The following PDE3A variants were observed in gnomAD, a reference collection of about 807,000 sequenced individuals.
The protein encoded by PDE3A is cGMP-inhibited 3',5'-cyclic phosphodiesterase 3A.
PDE3A carries 43 observed loss-of-function variants against 98.3 expected under a neutral mutation model. The ratio of observed to expected loss-of-function variants is 0.44; its 90% CI spans 0.34 to 0.56. The LOEUF is 0.56. Among genes scored for constraint, PDE3A ranks in the 20% least tolerant of loss-of-function variants. The pLI, the probability that PDE3A is intolerant of heterozygous loss-of-function variation, is 0.01. For missense variants in PDE3A, 1,427 were observed against 1,440.7 expected, an observed-to-expected ratio of 0.99 and a Z score of 0.15; for synonymous variants, 663 against 567.9, an observed-to-expected ratio of 1.17 and a Z score of -2.38.
At chr12:20,388,177 A>G (rs902680503) in intron 1 of PDE3A, among the ~76,000 whole-genome samples, 10 of 151,994 alleles carry the variant, frequency 6.6e-5, no homozygotes, top group African/African-American at 2.4e-4. Context: ...GCTTTTAGGA[A>G]TGGTAATGTG....
At chr12:20,565,037 TA>T (rs1942620736) in intron 2 of PDE3A, among the ~76,000 whole-genome samples, 1 of 152,036 alleles carries the variant, frequency 6.6e-6, no homozygotes, top group African/African-American at 2.4e-5. Context: ...GAGAGAGAAA[TA>T]AAAACAAAAA....
chr12:20,472,686 T>G (rs983809129), intron 1 of PDE3A, among the ~76,000 whole-genome samples: 1 of 152,118 alleles, frequency 6.6e-6, no homozygotes. Context: ...TAAAGAACAG[T>G]TTAAATCATA....
chr12:20,437,504 C>T (rs1309559425), intron 1 of PDE3A, among the ~76,000 whole-genome samples: 1 of 152,116 alleles, frequency 6.6e-6, no homozygotes, highest in Non-Finnish European at 1.5e-5. Context: ...ATGGTGCTGG[C>T]CTCTGCTCAG....
chr12:20,663,723 G>T (rs1369530133), intron 15 of PDE3A, among the ~76,000 whole-genome samples: 1 of 152,176 alleles, frequency 6.6e-6, no homozygotes, highest in Non-Finnish European at 1.5e-5. Context: ...TTTTGATTTT[G>T]CAGGTTTATA....
intron 1 of PDE3A, among the ~76,000 whole-genome samples, chr12:20,440,372 A>G (rs920567666): frequency 1.3e-5 from 2 of 152,144 alleles, no homozygotes; most frequent in Admixed American, 1.3e-4. Context: ...AGTAGACGTT[A>G]ATATTCAAAG....
chr12:20,514,527 G>A (rs1049251506), intron 1 of PDE3A, among the ~76,000 whole-genome samples: 1 of 152,060 alleles, frequency 6.6e-6, no homozygotes, highest in African/African-American at 2.4e-5. Flanking sequence ...TGAAGACAAA[G>A]GGTAGAAGTA....
rs1271339720 is a variant in PDE3A at position 20,500,454 on chromosome 12, TTACC to T, written c.961-56203_961-56200del. On this transcript the variant is annotated intron_variant, in intron 1 of 15. Transcript: ENST00000359062. ...TATCTTTATACTCTGAAGAGAATAC[TTACC>T]TATATTACTGAAAAACAGTTCATAA... 9.2e-5 allele frequency among the ~76,000 whole-genome samples: 14 copies of T among 152,342 alleles called. 1 individual carries two copies. Among genetic ancestry groups the T allele is most frequent in the African/African-American group, 3.4e-4 (14 of 41,596 alleles).
At chr12:20,568,547 G>A (rs1261723578) in intron 2 of PDE3A, among the ~76,000 whole-genome samples, 2 of 151,882 alleles carry the variant, frequency 1.3e-5, no homozygotes, top group Non-Finnish European at 2.9e-5. Flanking sequence ...AGGAGAGGCT[G>A]TCATTTGTTA....
At chr12:20,672,242 G>T (rs1192225300) in intron 15 of PDE3A, among the ~76,000 whole-genome samples, 1 of 148,062 alleles carries the variant, frequency 6.8e-6, no homozygotes, top group Admixed American at 6.7e-5. Context: ...TGGGTAGGAA[G>T]AATCAATATC....
At position 20,481,764 on chromosome 12, in the gene PDE3A, A is replaced by ATTTTTTTTTTTT. The variant is rs10657239; in HGVS notation, c.961-74885_961-74874dup. ...TCCATGTAAGTGACTTGGGAAATAG[A>ATTTTTTTTTTTT]TTTTTTTTTTTTTTTTTTTTTTGAG... On this transcript the variant is annotated intron_variant, in intron 1 of 15. Coordinates refer to ENST00000359062, the MANE Select transcript of PDE3A (RefSeq NM_000921.5). 2.1e-3 allele frequency among the ~76,000 whole-genome samples: 164 copies of ATTTTTTTTTTTT among 79,574 alleles called. 20 individuals are homozygous for ATTTTTTTTTTTT. Among genetic ancestry groups the ATTTTTTTTTTTT allele is most frequent in the African/African-American group, 4.5e-3 (86 of 19,290 alleles). 52.2% of individuals were successfully genotyped at this position (79,574 alleles called of 152,430 possible). A position where few individuals can be genotyped will look rare whatever the true frequency, so the allele number is the denominator to read the frequency against.
intron 2 of PDE3A, among the ~76,000 whole-genome samples, chr12:20,597,486 C>CT (rs1337514261): frequency 1.3e-5 from 2 of 152,022 alleles, no homozygotes; most frequent in Middle Eastern, 3.2e-3. Flanking sequence ...GGATAATAGG[C>CT]TTTTTTGTTG....
At chr12:20,504,247 T>G (rs1326445785) in intron 1 of PDE3A, among the ~76,000 whole-genome samples, 1 of 152,072 alleles carries the variant, frequency 6.6e-6, no homozygotes, top group African/African-American at 2.4e-5. Context: ...ACATGTAACA[T>G]GTACACAGAA....
chr12:20,601,865 C>A (rs1017903067), intron 2 of PDE3A, among the ~76,000 whole-genome samples: 1 of 151,836 alleles, frequency 6.6e-6, no homozygotes, highest in Non-Finnish European at 1.5e-5. Context: ...TTTTAAAAGG[C>A]AGAATACTGC....
chr12:20,415,685 C>T (rs545007529), intron 1 of PDE3A, among the ~76,000 whole-genome samples: 13 of 152,190 alleles, frequency 8.5e-5, no homozygotes, highest in Admixed American at 2.0e-4. Context: ...GATCTGCCCG[C>T]CTCGGCCTCC....
intron 2 of PDE3A, among the ~76,000 whole-genome samples, chr12:20,606,702 T>C (rs1197493020): frequency 6.6e-6 from 1 of 151,624 alleles, no homozygotes; most frequent in African/African-American, 2.4e-5. Flanking sequence ...CTACTAAAAA[T>C]ACAAAATTAG....
chr12:20,637,168 T>A lies in PDE3A; in HGVS notation c.2070T>A (p.Asn690Lys), dbSNP rs1944533848. The A allele has an allele frequency of 6.2e-7, 1 of 1,609,692 alleles. No individual in the cohort carries two copies. Among genetic ancestry groups the A allele is most frequent in the African/African-American group, 1.3e-5 (1 of 74,824 alleles). The change falls in exon 9 of 16, where the codon AAT (asparagine) becomes AAA (lysine). Residue 690 changes from asparagine to lysine, a missense_variant. Around this residue, in one of 3 missense-constraint regions of PDE3A, gnomAD observed 273 missense variants for 420.3 expected, o/e 0.65. Transcript: ENST00000359062. The part of the protein sequence containing the change: ...DNLDSIMEQL[N>K]TWNFPIFDLV... ...TGGACTCAATTATGGAGCAGCTAAA[T>A]ACTTGGAATTTTCCAATTTTTGATT...
At chr12:20,383,629 G>A (rs780259386) in intron 1 of PDE3A, among the ~76,000 whole-genome samples, 4 of 151,962 alleles carry the variant, frequency 2.6e-5, no homozygotes, top group Non-Finnish European at 5.9e-5. Context: ...AGGAGCAGCA[G>A]GAGTCCTGTG....
intron 1 of PDE3A, among the ~76,000 whole-genome samples, chr12:20,405,125 G>A (rs1024531902): frequency 2.6e-5 from 4 of 152,130 alleles, no homozygotes; most frequent in South Asian, 4.1e-4. Flanking sequence ...AAAAGAGGAA[G>A]TATGGTCCAT....
At chr12:20,644,622 TTC>T in intron 10 of PDE3A, among the ~76,000 whole-genome samples, 1 of 152,272 alleles carries the variant, frequency 6.6e-6, no homozygotes, top group Non-Finnish European at 1.5e-5. Context: ...ATGATCGTAA[TTC>T]TCTTGCCTGT....
Sources: allele counts gnomAD v4.1 joint callset (sites outside exome capture counted in the v4.1 genomes callset), GRCh38; gene constraint gnomAD v4.1.1; regional missense constraint gnomAD v4.1.1; transcripts MANE v1.5; gene names NCBI Gene and HGNC (gene_info 2026-07-23, HGNC 2026-07-21).